Variants in AGAP3 observed in about 807,000 individuals in gnomAD.
AGAP3 encodes the protein ArfGAP with GTPase domain, ankyrin repeat and PH domain 3.
In AGAP3, 24 loss-of-function variants were observed where a neutral mutation model predicts 96.9. The ratio of observed to expected loss-of-function variants is 0.25; its 90% CI spans 0.18 to 0.35. The LOEUF is 0.35. Ranked by LOEUF, AGAP3 falls within the 10% of genes least tolerant of loss-of-function variation. The pLI is 1.00. For synonymous variants in AGAP3, 563 were observed against 536.1 expected, an observed-to-expected ratio of 1.05 and a Z score of -0.69; for missense variants, 876 against 1,254.2, an observed-to-expected ratio of 0.70 and a Z score of 4.55.
Position 151,142,270 on chromosome 7 carries a change from TG to T in AGAP3, c.2050+21del. 1 of 1,611,314 alleles carries T rather than the reference TG, an allele frequency of 6.2e-7. No homozygotes were observed. On this transcript the variant is annotated intron_variant, in intron 15 of 17. Coordinates refer to ENST00000397238, the MANE Select transcript of AGAP3 (RefSeq NM_031946.7). The surrounding 1 kb of genome is among the most constrained non-coding windows in gnomAD (Gnocchi z 7.5). The stretch of plus-strand genomic sequence containing the variant: ...ATGCACCCAGTGAGTGCAAGGCTGG[TG>T]GGGCTGGGAGCTGGGGATGGCCCAG...
In AGAP3 at chr7:151,108,933, C is replaced by G. The variant is rs937164913; in HGVS notation, c.332-7860C>G. Among the ~76,000 whole-genome samples, 1 of 152,162 alleles carries G rather than the reference C, an allele frequency of 6.6e-6. No individual in the cohort carries two copies. The highest frequency in any genetic ancestry group is 6.5e-5 in the Admixed American group (1 of 15,290). The stretch of plus-strand genomic sequence containing the variant: ...GGACTCGGACCTCCTCAGAAAACAC[C>G]TGTGTGTTCTTCCCAGTATGCACTA... On this transcript the variant is annotated intron_variant, in intron 1 of 17. Coordinates refer to ENST00000397238, the MANE Select transcript of AGAP3 (RefSeq NM_031946.7). This position sits in a 1 kb window ranked among gnomAD's most constrained non-coding sequence, Gnocchi z 4.2.
intron 1 of AGAP3, among the ~76,000 whole-genome samples, chr7:151,092,833 C>T (rs1174075213): frequency 6.6e-6 from 1 of 152,086 alleles, no homozygotes; most frequent in Admixed American, 6.6e-5. Flanking sequence ...GTGTTGTTGG[C>T]CACACCACAT....
In AGAP3 at chr7:151,142,637, G is replaced by A. The variant is rs1465274357; in HGVS notation, c.2273+3G>A. Reference sequence around the variant, plus strand: ...AAGCCAGGGCCTGATGCCTGCAGGTGAGCAGATGGTGCCCTGGAGCTGGCC... The same window carrying A: ...AAGCCAGGGCCTGATGCCTGCAGGTAAGCAGATGGTGCCCTGGAGCTGGCC... On this transcript the variant is annotated splice_donor_region_variant and intron_variant, in intron 16 of 17. Transcript: ENST00000397238. This position sits in a 1 kb window ranked among gnomAD's most constrained non-coding sequence, Gnocchi z 7.5. The A allele has an allele frequency of 2.0e-5, 32 of 1,611,282 alleles. No individual in the cohort carries two copies. The highest frequency in any genetic ancestry group is 2.5e-5 in the Non-Finnish European group (30 of 1,179,762).
In AGAP3 at chr7:151,140,226, C is replaced by A; in HGVS notation, c.1804+110C>A. On this transcript the variant is annotated intron_variant, in intron 13 of 17. Transcript: ENST00000397238. The surrounding 1 kb of genome is among the most constrained non-coding windows in gnomAD (Gnocchi z 5.4). ...TATTTTTTGTATTCAGTGGATTAAG[C>A]ACTTTCTAGTAGTTGCTAATCAAAG... The A allele has an allele frequency of 8.1e-7, 1 of 1,240,488 alleles. No individual in the cohort carries two copies. The highest frequency in any genetic ancestry group is 1.0e-6 in the Non-Finnish European group (1 of 965,306). The allele number at this position is 1,240,488 out of a possible 1,614,324, so 76.8% of individuals were successfully genotyped here.
At chr7:151,127,131 C>T (rs1340163937) in intron 9 of AGAP3, among the ~76,000 whole-genome samples, 1 of 152,172 alleles carries the variant, frequency 6.6e-6, no homozygotes, top group Non-Finnish European at 1.5e-5. Context: ...TAATGGCATC[C>T]ATCTAGGAGT....
Position 151,103,148 on chromosome 7 carries a change from C to A in AGAP3, c.332-13645C>A, listed in dbSNP as rs141061096. On this transcript the variant is annotated intron_variant, in intron 1 of 17. Coordinates refer to ENST00000397238, the MANE Select transcript of AGAP3 (RefSeq NM_031946.7). ...CTTACGTGCCCTTCTCGTATTCCTG[C>A]AATTTTTGGAGCATCCCTACAGGGT... Among the ~76,000 whole-genome samples, 503 of 152,358 alleles carry A rather than the reference C, an allele frequency of 3.3e-3. 5 individuals are homozygous for A. The highest frequency in any genetic ancestry group is 6.8e-3 in the Middle Eastern group (2 of 294).
At chr7:151,115,299 G>A (rs1178238426) in intron 1 of AGAP3, 2 of 1,005,114 alleles carry the variant, frequency 2.0e-6, no homozygotes, top group Non-Finnish European at 2.4e-6. Flanking sequence ...GCGCGGGCCG[G>A]AGGGGCCCCG....
chr7:151,134,459 G>A lies in AGAP3; in HGVS notation c.1386G>A (p.Val462=), dbSNP rs761427127. Residue 462 remains valine (V), a synonymous_variant, in exon 11 of 18, where the codon GTG becomes GTA. Transcript: ENST00000397238. The part of the protein sequence containing the change: ...EIDLLRTTVK[V]PGKRLPRATP... Reference sequence around the variant, plus strand: ...ACCTGCTGCGGACAACGGTGAAAGTGCCAGGGAAGCGCCTGCCCCGAGCCA... The same window carrying A: ...ACCTGCTGCGGACAACGGTGAAAGTACCAGGGAAGCGCCTGCCCCGAGCCA... 2 of 1,613,120 alleles carry A rather than the reference G, an allele frequency of 1.2e-6. No homozygotes were observed. The highest frequency in any genetic ancestry group is 1.3e-5 in the African/African-American group (1 of 74,912).
chr7:151,092,509 G>C (rs1330152274), intron 1 of AGAP3, among the ~76,000 whole-genome samples: 1 of 152,200 alleles, frequency 6.6e-6, no homozygotes, highest in Non-Finnish European at 1.5e-5. Flanking sequence ...GGGAAGGGGG[G>C]TGAGCCCAGC....
At chr7:151,115,659 G>T (rs1799538233) in intron 1 of AGAP3, 19 of 1,153,812 alleles carry the variant, frequency 1.6e-5, no homozygotes, top group Non-Finnish European at 2.0e-5. Context: ...GGCGGGCCTG[G>T]GGGGCGTCTG....
chr7:151,100,525 C>T (rs927484858), intron 1 of AGAP3, among the ~76,000 whole-genome samples: 1 of 152,170 alleles, frequency 6.6e-6, no homozygotes, highest in African/African-American at 2.4e-5. Context: ...TAATTAGCAC[C>T]CTTATAAAAA....
intron 8 of AGAP3, chr7:151,123,583 G>A: frequency 2.9e-6 from 4 of 1,391,752 alleles, no homozygotes; most frequent in Non-Finnish European, 3.7e-6. Flanking sequence ...GCCCGGCTCA[G>A]TGACCTGTGC....
chr7:151,112,396 CGTGTGTGTGTGTGTGTGTGTGTGTGTGT>C lies in AGAP3; in HGVS notation c.332-4384_332-4357del, dbSNP rs71819427. ...GGATTGCTGCCTGCCTTCCCCGAGA[CGTGTGTGTGTGTGTGTGTGTGTGTGTGT>C]GTGTGTGTGTGTCCAGCATGTGTGC... On this transcript the variant is annotated intron_variant, in intron 1 of 17. Transcript: ENST00000397238. Among the ~76,000 whole-genome samples, 6 of 139,950 alleles carry C rather than the reference CGTGTGTGTGTGTGTGTGTGTGTGTGTGT, an allele frequency of 4.3e-5. No homozygotes were observed. In the East Asian group the frequency reaches 1.3e-3, roughly 30 times the overall value. The allele number at this position is 139,950 out of a possible 152,430, so 91.8% of individuals were successfully genotyped here.
chr7:151,128,344 C>G, intron 9 of AGAP3: 1 of 516,450 alleles, frequency 1.9e-6, no homozygotes. Flanking sequence ...GCCCACCTGC[C>G]GGAACAGCGG....
rs1799424079 is a variant in AGAP3, at chr7:151,114,182, A to T, written c.332-2611A>T. On this transcript the variant is annotated intron_variant, in intron 1 of 17. Transcript: ENST00000397238. This position sits in a 1 kb window ranked among gnomAD's most constrained non-coding sequence, Gnocchi z 4.4. ...AGCAGCCAGCAACTCTCGACCTCAG[A>T]ATGTCAGAGCCGAAACTAAGACAGG... 6.6e-6 allele frequency among the ~76,000 whole-genome samples: 1 copy of T among 152,210 alleles called. No homozygotes were observed. The highest frequency in any genetic ancestry group is 2.4e-5 in the African/African-American group (1 of 41,450).
At chr7:151,100,546 G>C (rs1252646630) in intron 1 of AGAP3, among the ~76,000 whole-genome samples, 3 of 152,162 alleles carry the variant, frequency 2.0e-5, no homozygotes, top group Non-Finnish European at 4.4e-5. Flanking sequence ...CAAAATTAAG[G>C]CCGGGCCGGG....
chr7:151,089,632 C>G (rs1798309915), intron 1 of AGAP3: 1 of 152,256 alleles, frequency 6.6e-6, no homozygotes, highest in Non-Finnish European at 1.5e-5. Context: ...CACTCACAGT[C>G]ACTTCTGACC....
chr7:151,127,785 G>GTCTCCTTCTA (rs1800238802), intron 9 of AGAP3, among the ~76,000 whole-genome samples: 1 of 152,206 alleles, frequency 6.6e-6, no homozygotes, highest in South Asian at 2.1e-4. Flanking sequence ...GTTGAGCATC[G>GTCTCCTTCTA]TCTCCTTCTA....
At chr7:151,131,414 C>G (rs1800397561) in intron 10 of AGAP3, 1 of 152,230 alleles carries the variant, frequency 6.6e-6, no homozygotes, top group South Asian at 2.1e-4. Flanking sequence ...GGGTAATTAG[C>G]GAGGAGGCTG....
Sources: gnomAD v4.1 joint callset for allele counts (sites outside exome capture counted in the v4.1 genomes callset) on GRCh38, gnomAD v4.1.1 for gene constraint, Gnocchi (gnomAD v3.1) non-coding constraint, MANE v1.5 for transcripts, NCBI Gene and HGNC (gene_info 2026-07-23, HGNC 2026-07-21) for gene names.